Variants in SPATA13 observed in about 807,000 individuals in gnomAD.
The protein encoded by SPATA13 is spermatogenesis associated 13, also known as spermatogenesis-associated protein 13.
Under a neutral mutation model 104.0 loss-of-function variants are expected in SPATA13, and 50 were observed. That is an observed-to-expected ratio of 0.48 (90% CI 0.38 to 0.61). The LOEUF (loss-of-function observed/expected upper bound fraction) is 0.61. SPATA13 is among the 20% of genes least tolerant of loss of function. The pLI is 0.00. For synonymous variants in SPATA13, 606 were observed against 667.5 expected, an observed-to-expected ratio of 0.91 and a Z score of 1.42; for missense variants, 1,524 against 1,690.6, an observed-to-expected ratio of 0.90 and a Z score of 1.73.
intron 2 of SPATA13, among the ~76,000 whole-genome samples, chr13:24,231,522 GT>G (rs1872273464): frequency 6.6e-6 from 1 of 152,184 alleles, no homozygotes; most frequent in Non-Finnish European, 1.5e-5. Flanking sequence ...GAGATGGGTT[GT>G]TTCTGCCTTT....
chr13:24,157,391 C>T (rs1225115735), upstream of SPATA13, among the ~76,000 whole-genome samples: 1 of 152,134 alleles, frequency 6.6e-6, no homozygotes, highest in South Asian at 2.1e-4. Context: ...CTCCGCCTCC[C>T]GGGTTCACGC....
At chr13:24,232,696 A>G (rs1872349065) in intron 2 of SPATA13, among the ~76,000 whole-genome samples, 1 of 152,088 alleles carries the variant, frequency 6.6e-6, no homozygotes, top group Non-Finnish European at 1.5e-5. Context: ...CTACAGACAC[A>G]CAGCACCACA....
At chr13:24,097,373 T>A (rs1432984342) in intron 3 of SPATA13, among the ~76,000 whole-genome samples, 1 of 152,162 alleles carries the variant, frequency 6.6e-6, no homozygotes, top group Non-Finnish European at 1.5e-5. Context: ...CAGCCTGGTC[T>A]ACTCACTCCA....
intron 1 of SPATA13, among the ~76,000 whole-genome samples, chr13:24,172,998 A>G (rs1213436458): frequency 2.0e-5 from 3 of 152,190 alleles, no homozygotes; most frequent in Non-Finnish European, 4.4e-5. Context: ...TACGGCTTTC[A>G]GCACACAGGT....
At chr13:24,115,010 A>G (rs574070826) in intron 3 of SPATA13, among the ~76,000 whole-genome samples, 2 of 152,252 alleles carry the variant, frequency 1.3e-5, no homozygotes, top group African/African-American at 2.4e-5. Flanking sequence ...GGTGACTCTG[A>G]CAGGAGGAAT....
intron 2 of SPATA13, among the ~76,000 whole-genome samples, chr13:24,237,175 G>C (rs1872613866): frequency 6.6e-6 from 1 of 151,878 alleles, no homozygotes; most frequent in Non-Finnish European, 1.5e-5. Context: ...GGCCAACATG[G>C]TGAAACCCCA....
At chr13:24,254,877 G>A (rs1321259305) in intron 4 of SPATA13, among the ~76,000 whole-genome samples, 2 of 151,830 alleles carry the variant, frequency 1.3e-5, no homozygotes, top group African/African-American at 4.8e-5. Flanking sequence ...TAGGAAGGAA[G>A]ACTGGCATCT....
chr13:24,174,549 A>G (rs1047304882), intron 1 of SPATA13, among the ~76,000 whole-genome samples: 7 of 152,026 alleles, frequency 4.6e-5, no homozygotes, highest in African/African-American at 1.4e-4. Context: ...AGTTAAATAT[A>G]TGATTAAAAA....
rs970278980 is a variant in SPATA13, at chr13:24,224,564, A to G, written c.1635A>G (p.Glu545=). The change falls in exon 2 of 13, where the codon GAA becomes GAG. Residue 545 remains glutamate, a synonymous_variant. Coordinates refer to ENST00000382108, the MANE Select transcript of SPATA13 (RefSeq NM_001166271.3). ...ACATTGGTGTGGCAGCCGGCCCAGA[A>G]GAAAAGGAGAAGGAGGAGGTAAGGG... The part of the protein sequence containing the change: ...LVNIGVAAGP[E]EKEKEEVVPD... The G allele has an allele frequency of 1.9e-6, 3 of 1,539,040 alleles. No homozygotes were observed. Among genetic ancestry groups the G allele is most frequent in the African/African-American group, 1.4e-5 (1 of 73,044 alleles).
intron 3 of SPATA13, among the ~76,000 whole-genome samples, chr13:24,057,517 G>A (rs941501985): frequency 2.6e-5 from 4 of 152,200 alleles, no homozygotes; most frequent in African/African-American, 9.7e-5. Flanking sequence ...GATGTGGGAT[G>A]TTCTGCATGA....
At chr13:24,054,678 T>C (rs1271652122) in intron 3 of SPATA13, among the ~76,000 whole-genome samples, 1 of 152,252 alleles carries the variant, frequency 6.6e-6, no homozygotes, top group Non-Finnish European at 1.5e-5. Flanking sequence ...ATAATAATAG[T>C]AGCGCACCGT....
At chr13:24,192,658 A>G (rs1211213705) in intron 1 of SPATA13, among the ~76,000 whole-genome samples, 2 of 152,056 alleles carry the variant, frequency 1.3e-5, no homozygotes, top group African/African-American at 2.4e-5. Context: ...AGGTCTGCAC[A>G]CCTGCCCTGG....
chr13:24,098,956 G>A (rs1880171954), intron 3 of SPATA13, among the ~76,000 whole-genome samples: 1 of 151,282 alleles, frequency 6.6e-6, no homozygotes, highest in African/African-American at 2.4e-5. Flanking sequence ...AAAAGAATTA[G>A]CCAAGCGTAA....
intron 3 of SPATA13, among the ~76,000 whole-genome samples, chr13:24,089,454 G>A (rs1879845606): frequency 6.6e-6 from 1 of 152,218 alleles, no homozygotes; most frequent in African/African-American, 2.4e-5. Flanking sequence ...CTTTTAGTAG[G>A]CAGAAGAGTC....
intron 1 of SPATA13, among the ~76,000 whole-genome samples, chr13:24,191,978 C>G (rs748693126): frequency 1.3e-5 from 2 of 151,934 alleles, no homozygotes; most frequent in African/African-American, 4.8e-5. Context: ...TATTACAGGG[C>G]GAAAAGGGAA....
chr13:24,116,812 G>C (rs752554952), intron 3 of SPATA13, among the ~76,000 whole-genome samples: 1 of 150,138 alleles, frequency 6.7e-6, no homozygotes, highest in Non-Finnish European at 1.5e-5. Flanking sequence ...AAGGGCCTTT[G>C]GGAGGTAATT....
chr13:24,119,608 C>G (rs1234762345), intron 3 of SPATA13, among the ~76,000 whole-genome samples: 3 of 152,206 alleles, frequency 2.0e-5, no homozygotes, highest in Non-Finnish European at 4.4e-5. Flanking sequence ...AAAGGGTCCT[C>G]AAAGGCAGCC....
At chr13:24,283,535 G>A (rs1391697989) in intron 4 of SPATA13, among the ~76,000 whole-genome samples, 2 of 152,218 alleles carry the variant, frequency 1.3e-5, no homozygotes, top group South Asian at 2.1e-4. Flanking sequence ...GACTAGCAGG[G>A]TGGCCAATCT....
chr13:24,093,247 A>G (rs1166187255), intron 3 of SPATA13, among the ~76,000 whole-genome samples: 1 of 152,170 alleles, frequency 6.6e-6, no homozygotes, highest in Non-Finnish European at 1.5e-5. Flanking sequence ...AAGGGTGAAA[A>G]CAAATGTCTT....
Sources: gnomAD v4.1 joint callset for allele counts (sites outside exome capture counted in the v4.1 genomes callset) on GRCh38, gnomAD v4.1.1 for gene constraint, MANE v1.5 for transcripts, NCBI Gene and HGNC (gene_info 2026-07-23, HGNC 2026-07-21) for gene names.